The following NRG3 variants were observed in gnomAD, a reference collection of about 807,000 sequenced individuals.
The protein encoded by NRG3 is neuregulin 3, also known as pro-neuregulin-3, membrane-bound isoform.
Under a neutral mutation model 66.9 loss-of-function variants are expected in NRG3, and 31 were observed. That is an observed-to-expected ratio of 0.46 (90% CI 0.35 to 0.63). The LOEUF (loss-of-function observed/expected upper bound fraction) is 0.63, where lower values mean the gene tolerates loss of function less well. Ranked by LOEUF, NRG3 falls within the 20% of genes least tolerant of loss-of-function variation. The pLI is 0.00. For missense variants in NRG3, 910 were observed against 878.9 expected, an observed-to-expected ratio of 1.04 and a Z score of -0.45; for synonymous variants, 393 against 359.4, an observed-to-expected ratio of 1.09 and a Z score of -1.06.
At chr10:82,483,609 TTC>T (rs1379120807) in intron 2 of NRG3, among the ~76,000 whole-genome samples, 2 of 152,178 alleles carry the variant, frequency 1.3e-5, no homozygotes, top group African/African-American at 4.8e-5. Flanking sequence ...CTTTTCACAT[TTC>T]ACACACAAAC....
At chr10:82,105,118 C>T (rs557121003) in intron 1 of NRG3, among the ~76,000 whole-genome samples, 15 of 152,030 alleles carry the variant, frequency 9.9e-5, no homozygotes, top group East Asian at 1.9e-4. Flanking sequence ...ACTAGAAAAA[C>T]GTGAATTCAA....
intron 1 of NRG3, among the ~76,000 whole-genome samples, chr10:81,914,103 A>T (rs768201063): frequency 6.6e-6 from 1 of 152,194 alleles, no homozygotes; most frequent in Non-Finnish European, 1.5e-5. Flanking sequence ...CATGCACAGC[A>T]GTAATTATTG....
intron 2 of NRG3, among the ~76,000 whole-genome samples, chr10:82,655,935 C>T (rs1241454605): frequency 6.6e-6 from 1 of 152,044 alleles, no homozygotes; most frequent in Non-Finnish European, 1.5e-5. Context: ...ACACATATGA[C>T]CTTGTATTAG....
intron 3 of NRG3, among the ~76,000 whole-genome samples, chr10:82,760,803 T>A (rs2059273940): frequency 6.6e-6 from 1 of 152,046 alleles, no homozygotes. Context: ...ACAGATTTTT[T>A]AATAAGAAAT....
intron 1 of NRG3, among the ~76,000 whole-genome samples, chr10:81,960,671 T>C (rs1382639856): frequency 2.6e-5 from 4 of 151,546 alleles, no homozygotes; most frequent in Non-Finnish European, 4.4e-5. Flanking sequence ...TAAAGAGACA[T>C]ACGAGATTTC....
At chr10:82,841,511 TG>T (rs1347487408) in intron 3 of NRG3, among the ~76,000 whole-genome samples, 5 of 152,194 alleles carry the variant, frequency 3.3e-5, no homozygotes, top group Admixed American at 2.6e-4. Context: ...TACATGATTA[TG>T]GGGTCTATTT....
intron 2 of NRG3, among the ~76,000 whole-genome samples, chr10:82,664,072 G>C (rs1209486320): frequency 1.3e-5 from 2 of 152,110 alleles, no homozygotes; most frequent in Non-Finnish European, 1.5e-5. Context: ...CTTACAGTTT[G>C]ATATTTAATG....
chr10:82,689,975 T>C (rs1258780547), intron 2 of NRG3, among the ~76,000 whole-genome samples: 1 of 152,212 alleles, frequency 6.6e-6, no homozygotes. Flanking sequence ...AGAGGTTGAA[T>C]TTCTTGAAAC....
intron 3 of NRG3, among the ~76,000 whole-genome samples, chr10:82,862,554 TGTCTGTACAGTTTCC>T (rs1473361798): frequency 2.0e-5 from 3 of 152,188 alleles, no homozygotes; most frequent in African/African-American, 7.2e-5. Flanking sequence ...TTTATGAATA[TGTCTGTACAGTTTCC>T]GTAAAGGAAA....
intron 1 of NRG3, among the ~76,000 whole-genome samples, chr10:82,079,165 C>T (rs2065252776): frequency 6.6e-6 from 1 of 151,934 alleles, no homozygotes; most frequent in Non-Finnish European, 1.5e-5. Flanking sequence ...CTGCCTCAGC[C>T]TCCCGAATAG....
chr10:82,901,749 C>T (rs73311306), intron 4 of NRG3, among the ~76,000 whole-genome samples: 5,989 of 152,256 alleles, frequency 0.039, 138 homozygotes, highest in Middle Eastern at 0.1. Flanking sequence ...ATGTGAAAGT[C>T]GTTTTATAAT....
intron 1 of NRG3, among the ~76,000 whole-genome samples, chr10:82,287,634 G>T (rs2079496296): frequency 6.6e-6 from 1 of 152,082 alleles, no homozygotes; most frequent in African/African-American, 2.4e-5. Context: ...AATATCTTTA[G>T]TTTTTATTGT....
chr10:82,682,724 G>A (rs2054198530), intron 2 of NRG3, among the ~76,000 whole-genome samples: 1 of 152,028 alleles, frequency 6.6e-6, no homozygotes, highest in African/African-American at 2.4e-5. Flanking sequence ...TCCTTTGATG[G>A]AGACTTAAAG....
intron 1 of NRG3, among the ~76,000 whole-genome samples, chr10:81,950,307 G>T (rs1262545176): frequency 1.3e-5 from 2 of 152,174 alleles, no homozygotes; most frequent in Non-Finnish European, 1.5e-5. Context: ...ACATAAAAAG[G>T]AATGGGAGGT....
chr10:82,496,985 G>C (rs898037285), intron 2 of NRG3, among the ~76,000 whole-genome samples: 3 of 151,782 alleles, frequency 2.0e-5, no homozygotes, highest in Non-Finnish European at 2.9e-5. Flanking sequence ...TTTTTTTCCC[G>C]TCAGTCTTTA....
chr10:82,008,686 CTT>C (rs1181619388), intron 1 of NRG3, among the ~76,000 whole-genome samples: 1 of 152,070 alleles, frequency 6.6e-6, no homozygotes, highest in African/African-American at 2.4e-5. Context: ...CTGGTAGTCT[CTT>C]TATTTTGATC....
At chr10:82,236,936 C>T (rs1194028769) in intron 1 of NRG3, among the ~76,000 whole-genome samples, 3 of 152,006 alleles carry the variant, frequency 2.0e-5, no homozygotes, top group Non-Finnish European at 4.4e-5. Context: ...AGGATGGTCT[C>T]GATCTCCTGA....
intron 2 of NRG3, among the ~76,000 whole-genome samples, chr10:82,368,273 C>CA (rs2084670262): frequency 7.2e-6 from 1 of 138,082 alleles, no homozygotes; most frequent in Non-Finnish European, 1.5e-5. Context: ...GATAGGTACT[C>CA]AGAGTCTCCC....
intron 1 of NRG3, among the ~76,000 whole-genome samples, chr10:82,281,163 T>C (rs568647496): frequency 6.6e-6 from 1 of 152,164 alleles, no homozygotes; most frequent in Non-Finnish European, 1.5e-5. Context: ...GAATAGATCA[T>C]ATGGCTTATT....
Sources: gnomAD v4.1 joint callset for allele counts (sites outside exome capture counted in the v4.1 genomes callset) on GRCh38, gnomAD v4.1.1 for gene constraint, MANE v1.5 for transcripts, NCBI Gene and HGNC (gene_info 2026-07-23, HGNC 2026-07-21) for gene names.